Variants in NSUN3 observed in about 807,000 individuals in gnomAD.
The protein encoded by NSUN3 is NOP2/Sun RNA methyltransferase 3, also known as tRNA (cytosine(34)-C(5))-methyltransferase, mitochondrial.
NSUN3 carries 24 observed loss-of-function variants against 36.8 expected under a neutral mutation model. That is an observed-to-expected ratio of 0.65 (90% confidence interval 0.47 to 0.92). The LOEUF is 0.92. NSUN3 is among the 40% of genes least tolerant of loss of function. NSUN3 has a pLI of 0.00. For synonymous variants in NSUN3, 146 were observed against 145.2 expected, an observed-to-expected ratio of 1.01 and a Z score of -0.04; for missense variants, 381 against 392.8, an observed-to-expected ratio of 0.97 and a Z score of 0.25.
rs371870611 is a variant in NSUN3 at position 94,126,230 on chromosome 3, C to T, written c.763C>T (p.Arg255Cys). ...ELLRSAIKAL[R>C]PGGILVYSTC... is the part of the protein sequence containing the mutation. ...ACACAGGTCTGCAATTAAGGCCTTACGTCCTGGAGGGATACTTGTATACTC... is the reference window on the plus strand; with the variant it reads ...ACACAGGTCTGCAATTAAGGCCTTATGTCCTGGAGGGATACTTGTATACTC... The change falls in exon 6 of 6, where the codon CGT becomes TGT. Residue 255 changes from arginine to cysteine, a missense_variant. Transcript: ENST00000314622. 28 of 1,612,768 alleles carry T rather than the reference C, an allele frequency of 1.7e-5. 1 individual carries two copies. The highest frequency in any genetic ancestry group is 1.5e-4 in the South Asian group (14 of 90,934).
intron 2 of NSUN3, 100 bp downstream of exon 2, chr3:94,064,646 T>C (rs938254512): frequency 3.0e-5 from 21 of 693,708 alleles, no homozygotes; most frequent in Non-Finnish European, 3.6e-5. Context: ...GGCAAAGGAA[T>C]CTAAATCTGG....
intron 3 of NSUN3, among the ~76,000 whole-genome samples, chr3:94,089,810 C>T (rs1341994279): frequency 6.6e-6 from 1 of 152,180 alleles, no homozygotes; most frequent in Admixed American, 6.5e-5. Flanking sequence ...TTTGAATAAA[C>T]TTCCACTCTT....
At chr3:94,067,795 A>T (rs2077211041) in intron 2 of NSUN3, among the ~76,000 whole-genome samples, 1 of 151,774 alleles carries the variant, frequency 6.6e-6, no homozygotes, top group African/African-American at 2.4e-5. Context: ...CACATCTCAC[A>T]CTTTAACTTG....
At chr3:94,107,271 A>G (rs1390374447) in intron 5 of NSUN3, among the ~76,000 whole-genome samples, 2 of 151,938 alleles carry the variant, frequency 1.3e-5, no homozygotes, top group Admixed American at 6.6e-5. Context: ...TTAGGCATAT[A>G]TATGTTTTGT....
At chr3:94,077,811 T>G (rs1454242598) in intron 2 of NSUN3, among the ~76,000 whole-genome samples, 1 of 152,244 alleles carries the variant, frequency 6.6e-6, no homozygotes. Flanking sequence ...TTATTGCGTC[T>G]ATTTGATTCT....
At chr3:94,106,477 G>T (rs1193960745) in intron 5 of NSUN3, among the ~76,000 whole-genome samples, 1 of 152,084 alleles carries the variant, frequency 6.6e-6, no homozygotes, top group Non-Finnish European at 1.5e-5. Flanking sequence ...CTACCCTCAG[G>T]CTTGTAAAAT....
chr3:94,072,442 A>G (rs1000469764), intron 2 of NSUN3, among the ~76,000 whole-genome samples: 1 of 152,212 alleles, frequency 6.6e-6, no homozygotes, highest in Non-Finnish European at 1.5e-5. Context: ...AACATGCAAA[A>G]TGAACATTGT....
intron 5 of NSUN3, among the ~76,000 whole-genome samples, chr3:94,106,824 A>G (rs144455571): frequency 6.6e-5 from 10 of 152,362 alleles, no homozygotes; most frequent in African/African-American, 2.2e-4. Context: ...GGAAAGGAAT[A>G]CTAGAAGTCA....
Position 94,094,144 on chromosome 3 carries a change from T to C in NSUN3, c.471T>C (p.Tyr157=). The C allele has an allele frequency of 6.3e-7, 1 of 1,594,388 alleles. No individual in the cohort carries two copies. Among genetic ancestry groups the C allele is most frequent in the Non-Finnish European group, 8.5e-7 (1 of 1,172,894 alleles). The change falls in exon 4 of 6, where the codon TAT becomes TAC. Residue 157 remains tyrosine, a synonymous_variant. Transcript: ENST00000314622. Reference sequence around the variant, plus strand: ...TTTTTAATCCTTTTTATTTAGGTTATCTTCATTGTAATGAATATGATAGTC... The same window carrying C: ...TTTTTAATCCTTTTTATTTAGGTTACCTTCATTGTAATGAATATGATAGTC... The part of the protein sequence containing the change: ...IALLQCACPG[Y]LHCNEYDSLR...
rs2077507069 is a variant in NSUN3, at chr3:94,131,083, T to G, written c.*4593T>G. On this transcript the variant is annotated 3_prime_UTR_variant, in exon 6 of 6. Transcript: ENST00000314622. ...CCACAATACCATGCCTGGCTAATTT[T>G]TAAATTATTATTATTATTATTATTG... is the stretch of plus-strand genomic sequence containing the variant. 6.6e-6 allele frequency among the ~76,000 whole-genome samples: 1 copy of G among 151,924 alleles called. No individual in the cohort carries two copies. Among genetic ancestry groups the G allele is most frequent in the Non-Finnish European group, 1.5e-5 (1 of 68,006 alleles).
At chr3:94,094,112 T>C in intron 3 of NSUN3, 28 bp from the exon 4 acceptor site, 1 of 1,527,840 alleles carries the variant, frequency 6.5e-7, no homozygotes. Context: ...TTGCCTTCAT[T>C]TGAAACTTTT....
intron 1 of NSUN3, 85 bp from the exon 2 acceptor site, chr3:94,064,352 G>A: frequency 1.3e-6 from 1 of 796,976 alleles, no homozygotes; most frequent in Non-Finnish European, 2.2e-6. Context: ...AAGTGTTCTT[G>A]TCTTAAAAAA....
intron 5 of NSUN3, among the ~76,000 whole-genome samples, chr3:94,102,970 T>C (rs888938582): frequency 1.3e-5 from 2 of 152,146 alleles, no homozygotes; most frequent in African/African-American, 2.4e-5. Flanking sequence ...CACTGCAACC[T>C]CCGCCTCCTG....
At chr3:94,096,288 A>G (rs1210098948) in intron 5 of NSUN3, among the ~76,000 whole-genome samples, 1 of 152,152 alleles carries the variant, frequency 6.6e-6, no homozygotes, top group Non-Finnish European at 1.5e-5. Flanking sequence ...AGTACTTATC[A>G]GAAGGCTTTT....
intron 2 of NSUN3, among the ~76,000 whole-genome samples, chr3:94,069,984 A>C (rs967832580): frequency 6.6e-6 from 1 of 151,794 alleles, no homozygotes; most frequent in African/African-American, 2.4e-5. Context: ...TTTTTTGGTC[A>C]GTTTTAATAT....
chr3:94,082,938 T>C (rs914284314), intron 2 of NSUN3, among the ~76,000 whole-genome samples: 1 of 152,140 alleles, frequency 6.6e-6, no homozygotes, highest in Non-Finnish European at 1.5e-5. Context: ...TTTATCTTCA[T>C]CAGAAGAAAA....
At chr3:94,077,076 A>G (rs575651745) in intron 2 of NSUN3, 11 of 788,554 alleles carry the variant, frequency 1.4e-5, no homozygotes, top group Admixed American at 1.0e-4. Context: ...TCATCACCAA[A>G]TCATAAAGAA....
At chr3:94,102,293 CCTT>C (rs1450534758) in intron 5 of NSUN3, among the ~76,000 whole-genome samples, 1 of 151,052 alleles carries the variant, frequency 6.6e-6, no homozygotes, top group Admixed American at 6.6e-5. Flanking sequence ...TGCAGCATGG[CCTT>C]CATCATTCAT....
rs569394670 is a variant in NSUN3, at chr3:94,107,297, T to G, written c.743+12143T>G. The stretch of plus-strand genomic sequence containing the variant: ...TATGTTTTGTTGTTGTTGTTTTGTT[T>G]TTGTTGTTGTTGTTTGTTTTGAGGT... On this transcript the variant is annotated intron_variant, in intron 5 of 5. Coordinates refer to ENST00000314622, the MANE Select transcript of NSUN3 (RefSeq NM_022072.5). 2.0e-5 allele frequency among the ~76,000 whole-genome samples: 3 copies of G among 152,204 alleles called. No individual in the cohort carries two copies. In the East Asian group the frequency reaches 5.8e-4, roughly 29 times the overall value.
Sources: gnomAD v4.1 joint callset for allele counts (sites outside exome capture counted in the v4.1 genomes callset) on GRCh38, gnomAD v4.1.1 for gene constraint, MANE v1.5 for transcripts, NCBI Gene and HGNC (gene_info 2026-07-23, HGNC 2026-07-21) for gene names.